Variants in FRMPD4 observed in about 807,000 individuals in gnomAD.
FRMPD4 encodes the protein FERM and PDZ domain containing 4.
A neutral mutation model predicts 94.1 loss-of-function variants in FRMPD4; 22 were observed. The observed-to-expected ratio is 0.23, with a 90% confidence interval of 0.17 to 0.33. The LOEUF is 0.33. Among genes scored for constraint, FRMPD4 ranks in the 10% least tolerant of loss-of-function variants. The probability of loss-of-function intolerance (pLI) is 1.00; values close to 1 mark genes in which losing one functional copy is unlikely to be tolerated. For missense variants in FRMPD4, 1,111 were observed against 1,339.9 expected (o/e 0.83, Z 2.67); for synonymous variants, 631 against 548.6 (o/e 1.15, Z -2.10).
Position 12,717,006 on chromosome X carries a change from C to A in FRMPD4, c.2547C>A (p.Leu849=). 1.7e-6 allele frequency: 2 copies of A among 1,209,901 alleles called. No homozygotes were observed. Among genetic ancestry groups the A allele is most frequent in the East Asian group, 5.9e-5 (2 of 33,838 alleles). ...AAAATGATGAGATCCCCGTGTCCCTCATTGACGCTGTGCCCACCAGCGCCG... is the reference window on the plus strand; with the variant it reads ...AAAATGATGAGATCCCCGTGTCCCTAATTGACGCTGTGCCCACCAGCGCCG... ...SLQNDEIPVS[L]IDAVPTSAEG... Residue 849 remains leucine, a synonymous_variant, in exon 15 of 17, where the codon CTC becomes CTA. Coordinates refer to ENST00000675598, the MANE Select transcript of FRMPD4 (RefSeq NM_001368397.1).
Position 12,197,322 on chromosome X carries a change from C to T in FRMPD4, c.41+58310C>T, listed in dbSNP as rs563236783. 5.4e-5 allele frequency among the ~76,000 whole-genome samples: 6 copies of T among 111,295 alleles called. No homozygotes were observed. The East Asian group carries it at 1.4e-3, about 26-fold the overall frequency. ...TATACAGACCCTATGAGACAGCGACCCATTTACCACCTATGAAATATTGAT... is the reference window on the plus strand; with the variant it reads ...TATACAGACCCTATGAGACAGCGACTCATTTACCACCTATGAAATATTGAT... On this transcript the variant is annotated intron_variant, in intron 1 of 16. Transcript: ENST00000675598.
At chrX:12,663,887 G>C (rs928650037) in intron 4 of FRMPD4, among the ~76,000 whole-genome samples, 3 of 111,947 alleles carry the variant, frequency 2.7e-5, no homozygotes, top group Non-Finnish European at 5.6e-5. Flanking sequence ...TTGAGCAGTG[G>C]TTTGTAGTTC....
chrX:12,106,949 C>T (rs1319531842), intron 3 of FRMPD4, among the ~76,000 whole-genome samples: 2 of 112,206 alleles, frequency 1.8e-5, no homozygotes, highest in Non-Finnish European at 3.8e-5. Flanking sequence ...GGTCTGCCTG[C>T]CTCTGTAGAC....
intron 3 of FRMPD4, among the ~76,000 whole-genome samples, chrX:11,925,561 C>A (rs901963166): frequency 3.6e-5 from 4 of 112,147 alleles, no homozygotes; most frequent in Non-Finnish European, 7.5e-5. Context: ...CCTCTCAGAC[C>A]ATAGTGCAAT....
At chrX:12,218,292 A>G (rs1569195456) in intron 1 of FRMPD4, among the ~76,000 whole-genome samples, 1 of 112,297 alleles carries the variant, frequency 8.9e-6, no homozygotes, top group Non-Finnish European at 1.9e-5. Context: ...AAAAATGGTT[A>G]CAGTAGTGAA....
intron 2 of FRMPD4, among the ~76,000 whole-genome samples, chrX:12,542,776 G>A (rs1332565676): frequency 2.7e-5 from 3 of 111,721 alleles, no homozygotes; most frequent in Non-Finnish European, 5.6e-5. Flanking sequence ...AGCCCACATT[G>A]CCAAGACAAT....
chrX:12,561,270 A>C (rs1335843459), intron 2 of FRMPD4, among the ~76,000 whole-genome samples: 2 of 112,850 alleles, frequency 1.8e-5, no homozygotes, highest in Non-Finnish European at 3.7e-5. Flanking sequence ...CAATAAAAAA[A>C]GTTAAAACAT....
intron 3 of FRMPD4, among the ~76,000 whole-genome samples, chrX:11,942,104 G>A (rs1488370601): frequency 8.9e-6 from 1 of 111,780 alleles, no homozygotes; most frequent in African/African-American, 3.3e-5. Flanking sequence ...ATAAACTTAC[G>A]TATTTAAAAA....
At chrX:12,585,989 C>G (rs777450487) in intron 2 of FRMPD4, among the ~76,000 whole-genome samples, 10 of 112,214 alleles carry the variant, frequency 8.9e-5, no homozygotes, top group African/African-American at 3.2e-4. Flanking sequence ...TGAAATAGAT[C>G]GATATATTGG....
At chrX:12,660,249 T>G (rs1217558440) in intron 4 of FRMPD4, among the ~76,000 whole-genome samples, 1 of 112,372 alleles carries the variant, frequency 8.9e-6, no homozygotes, top group Admixed American at 9.5e-5. Context: ...ACTTTAATCC[T>G]TTCTCTGCAA....
At chrX:12,427,897 C>CTTTTTTTT (rs139267482) in intron 1 of FRMPD4, among the ~76,000 whole-genome samples, 33 of 54,750 alleles carry the variant, frequency 6.0e-4, no homozygotes, top group East Asian at 1.4e-3. Flanking sequence ...CCTTTTTTCT[C>CTTTTTTTT]TTTTTTTTTT....
chrX:12,570,761 T>G (rs551905402), intron 2 of FRMPD4, among the ~76,000 whole-genome samples: 1 of 111,395 alleles, frequency 9.0e-6, no homozygotes, highest in East Asian at 2.8e-4. Flanking sequence ...TTTTTTCAAT[T>G]TAATAACTGA....
At chrX:12,117,964 C>G (rs1601950221) in intron 3 of FRMPD4, among the ~76,000 whole-genome samples, 2 of 111,898 alleles carry the variant, frequency 1.8e-5, no homozygotes, top group South Asian at 7.4e-4. Context: ...TTGATACACT[C>G]TTTCCCTGTT....
chrX:11,844,524 A>G (rs948280569), intron 1 of FRMPD4, among the ~76,000 whole-genome samples: 7 of 110,957 alleles, frequency 6.3e-5, no homozygotes, highest in South Asian at 7.6e-4. Flanking sequence ...TGTATCTCCT[A>G]TTGTTTCTGT....
chrX:11,855,341 C>T (rs2053648219), intron 1 of FRMPD4, among the ~76,000 whole-genome samples: 1 of 112,010 alleles, frequency 8.9e-6, no homozygotes, highest in Admixed American at 9.4e-5. Context: ...GGAGACATTT[C>T]CCCCATTGTC....
At chrX:12,198,255 G>A (rs905747763) in intron 1 of FRMPD4, among the ~76,000 whole-genome samples, 9 of 111,875 alleles carry the variant, frequency 8.0e-5, no homozygotes, top group Admixed American at 2.8e-4. Flanking sequence ...TTTTAATTCA[G>A]GCAGAGAGAC....
intron 4 of FRMPD4, among the ~76,000 whole-genome samples, chrX:12,632,457 T>C (rs2059404431): frequency 8.9e-6 from 1 of 112,207 alleles, no homozygotes; most frequent in African/African-American, 3.2e-5. Flanking sequence ...TTGAGAACCA[T>C]CAGAGATGAT....
At chrX:11,941,615 A>G (rs911679355) in intron 3 of FRMPD4, among the ~76,000 whole-genome samples, 2 of 112,352 alleles carry the variant, frequency 1.8e-5, no homozygotes, top group African/African-American at 6.5e-5. Context: ...AAGTACTTAA[A>G]AGCTTAAAGA....
At chrX:12,430,870 T>C (rs1489946033) in intron 1 of FRMPD4, among the ~76,000 whole-genome samples, 1 of 112,529 alleles carries the variant, frequency 8.9e-6, no homozygotes, top group African/African-American at 3.2e-5. Flanking sequence ...CATTGAAGTA[T>C]TTTTGGGGTG....
Sources: gnomAD v4.1 joint callset for allele counts (sites outside exome capture counted in the v4.1 genomes callset) on GRCh38, gnomAD v4.1.1 for gene constraint, MANE v1.5 for transcripts, NCBI Gene and HGNC (gene_info 2026-07-23, HGNC 2026-07-21) for gene names.